The following BCL2 variants were observed in gnomAD, a reference collection of about 807,000 sequenced individuals.
BCL2 encodes apoptosis regulator Bcl-2.
In BCL2, 1 loss-of-function variant was observed where a neutral mutation model predicts 14.2. That is an observed-to-expected ratio of 0.07 (90% CI 0.02 to 0.33). The LOEUF (loss-of-function observed/expected upper bound fraction) is 0.33, where lower values mean the gene tolerates loss of function less well. BCL2 is among the 10% of genes least tolerant of loss of function. The probability of loss-of-function intolerance (pLI) is 0.99; values close to 1 mark genes in which losing one functional copy is unlikely to be tolerated. For missense variants in BCL2, 247 were observed against 305.9 expected (o/e 0.81, Z 1.44); for synonymous variants, 151 against 137.2 (o/e 1.10, Z -0.70).
intron 2 of BCL2, among the ~76,000 whole-genome samples, chr18:63,226,166 A>G (rs992166112): frequency 1.3e-5 from 2 of 152,180 alleles, no homozygotes; most frequent in African/African-American, 4.8e-5. Context: ...TGTCCCTCTG[A>G]ACTCAAGCCA....
chr18:63,160,832 C>T (rs1048883784), intron 2 of BCL2, among the ~76,000 whole-genome samples: 3 of 152,046 alleles, frequency 2.0e-5, no homozygotes, highest in African/African-American at 7.2e-5. Context: ...ACCCCTGCTC[C>T]AGGGGTCCTA....
chr18:63,227,921 A>C (rs1019207604), intron 2 of BCL2, among the ~76,000 whole-genome samples: 1 of 152,248 alleles, frequency 6.6e-6, no homozygotes, highest in African/African-American at 2.4e-5. Context: ...AATGCCACAG[A>C]CCAGGTGTCT....
chr18:63,193,801 A>G (rs765173080), intron 2 of BCL2, among the ~76,000 whole-genome samples: 62 of 152,118 alleles, frequency 4.1e-4, no homozygotes, highest in Non-Finnish European at 8.7e-4. Flanking sequence ...TTCTAAAATG[A>G]TATCATCACA....
intron 2 of BCL2, among the ~76,000 whole-genome samples, chr18:63,138,918 C>A (rs1323652986): frequency 6.6e-6 from 1 of 152,210 alleles, no homozygotes; most frequent in African/African-American, 2.4e-5. Context: ...ATGAGAAGCC[C>A]AAATGGGTGC....
chr18:63,212,811 G>T (rs1429933133), intron 2 of BCL2, among the ~76,000 whole-genome samples: 1 of 151,722 alleles, frequency 6.6e-6, no homozygotes, highest in Admixed American at 6.6e-5. Context: ...AGAAGGCGGA[G>T]GTTGCAGTGA....
At chr18:63,238,200 T>A (rs973415053) in intron 2 of BCL2, among the ~76,000 whole-genome samples, 1 of 152,190 alleles carries the variant, frequency 6.6e-6, no homozygotes, top group Non-Finnish European at 1.5e-5. Context: ...ACTGGGAGTG[T>A]TTAATTATGT....
chr18:63,131,529 C>T (rs921991247), intron 2 of BCL2, among the ~76,000 whole-genome samples: 1 of 152,182 alleles, frequency 6.6e-6, no homozygotes, highest in Admixed American at 6.5e-5. Context: ...CAGAACTCTG[C>T]CTCTTCCAGG....
chr18:63,176,656 T>A (rs948265419), intron 2 of BCL2, among the ~76,000 whole-genome samples: 4 of 152,250 alleles, frequency 2.6e-5, no homozygotes, highest in African/African-American at 9.6e-5. Flanking sequence ...ATGTGATATT[T>A]TGATACATGC....
At chr18:63,244,881 G>A (rs1261533147) in intron 2 of BCL2, among the ~76,000 whole-genome samples, 1 of 152,190 alleles carries the variant, frequency 6.6e-6, no homozygotes, top group Admixed American at 6.5e-5. Context: ...AGATCCACCA[G>A]ACAGATGTTT....
In BCL2 at chr18:63,219,769, T is replaced by G. The variant is rs184230411; in HGVS notation, c.586-91010A>C. Among the ~76,000 whole-genome samples, 11 of 152,306 alleles carry G rather than the reference T, an allele frequency of 7.2e-5. No homozygotes were observed. The East Asian group carries it at 2.1e-3, about 29-fold the overall frequency. ...GTGAGCTCAGGAACAATGATGTTTATAATGAGCCATTTTAAAGACCTACCT... is the reference window on the plus strand; with the variant it reads ...GTGAGCTCAGGAACAATGATGTTTAGAATGAGCCATTTTAAAGACCTACCT... On this transcript the variant is annotated intron_variant, in intron 2 of 2. Transcript: ENST00000333681.
At chr18:63,214,762 G>A (rs1413286998) in intron 2 of BCL2, among the ~76,000 whole-genome samples, 1 of 151,956 alleles carries the variant, frequency 6.6e-6, no homozygotes, top group Non-Finnish European at 1.5e-5. Context: ...CCAGGCTGGA[G>A]TGGAGTGGCA....
At chr18:63,246,530 A>C (rs1349671782) in intron 2 of BCL2, among the ~76,000 whole-genome samples, 1 of 152,114 alleles carries the variant, frequency 6.6e-6, no homozygotes, top group Non-Finnish European at 1.5e-5. Context: ...GTCTCATGAG[A>C]CTTATTCATT....
At chr18:63,241,464 CA>C (rs1490447257) in intron 2 of BCL2, among the ~76,000 whole-genome samples, 1 of 152,142 alleles carries the variant, frequency 6.6e-6, no homozygotes, top group Non-Finnish European at 1.5e-5. Context: ...CCATTTACGT[CA>C]TCATGACTGA....
intron 2 of BCL2, among the ~76,000 whole-genome samples, chr18:63,199,140 CAG>C (rs939475434): frequency 6.7e-6 from 1 of 150,236 alleles, no homozygotes; most frequent in African/African-American, 2.5e-5. Context: ...GGCACAGACA[CAG>C]AGACGCAGAC....
At chr18:63,133,190 C>T (rs527755948) in intron 2 of BCL2, among the ~76,000 whole-genome samples, 6 of 152,280 alleles carry the variant, frequency 3.9e-5, no homozygotes, top group East Asian at 1.9e-4. Flanking sequence ...TAGGTGTGGA[C>T]GGGAACAGAC....
intron 2 of BCL2, among the ~76,000 whole-genome samples, chr18:63,213,380 A>G (rs1272324177): frequency 1.3e-5 from 2 of 152,136 alleles, no homozygotes; most frequent in East Asian, 1.9e-4. Context: ...AGGTCCTCAC[A>G]CCACACCCCT....
intron 2 of BCL2, among the ~76,000 whole-genome samples, chr18:63,264,977 A>T (rs1433973905): frequency 5.1e-4 from 1 of 1,974 alleles, no homozygotes; most frequent in Non-Finnish European, 1.1e-3. Context: ...GACCCATGGA[A>T]AGAAACCAAG....
Position 63,319,543 on chromosome 18 carries a change from C to G in BCL2, c.-656G>C, listed in dbSNP as rs1913629083. The G allele has an allele frequency of 4.4e-6, 1 of 229,462 alleles. No individual in the cohort carries two copies. Among genetic ancestry groups the G allele is most frequent in the South Asian group, 1.8e-4 (1 of 5,502 alleles). 14.2% of individuals were successfully genotyped at this position (229,462 alleles called of 1,614,324 possible). A position where few individuals can be genotyped will look rare whatever the true frequency, so the allele number is the denominator to read the frequency against. The stretch of plus-strand genomic sequence containing the variant: ...ACACGCGCGCACACACGCGCGGGCA[C>G]AGGCATGAATCTCTATCCACGGGAC... On this transcript the variant is annotated 5_prime_UTR_variant, in exon 1 of 3. Coordinates refer to ENST00000333681, the MANE Select transcript of BCL2 (RefSeq NM_000633.3).
intron 2 of BCL2, among the ~76,000 whole-genome samples, chr18:63,137,831 A>G (rs1190498989): frequency 6.6e-6 from 1 of 152,244 alleles, no homozygotes; most frequent in Non-Finnish European, 1.5e-5. Context: ...AAGAGGGTGA[A>G]AGGACAATAG....
Sources: gnomAD v4.1 joint callset for allele counts (sites outside exome capture counted in the v4.1 genomes callset) on GRCh38, gnomAD v4.1.1 for gene constraint, MANE v1.5 for transcripts, NCBI Gene and HGNC (gene_info 2026-07-23, HGNC 2026-07-21) for gene names.